The following ABCC11 variants were observed in gnomAD, a reference collection of about 807,000 sequenced individuals.
The protein encoded by ABCC11 is ATP-binding cassette sub-family C member 11.
A neutral mutation model predicts 149.3 loss-of-function variants in ABCC11; 135 were observed. The ratio of observed to expected loss-of-function variants is 0.90; its 90% CI spans 0.79 to 1.04. The LOEUF is 1.04. Among genes scored for constraint, ABCC11 ranks in the 50% least tolerant of loss-of-function variants. The pLI is 0.00. For missense variants in ABCC11, 1,680 were observed against 1,722.1 expected, an observed-to-expected ratio of 0.98 and a Z score of 0.43; for synonymous variants, 665 against 671.4, an observed-to-expected ratio of 0.99 and a Z score of 0.15.
intron 7 of ABCC11, among the ~76,000 whole-genome samples, 192 bp downstream of exon 7, chr16:48,215,922 C>T (rs1373954124): frequency 6.6e-6 from 1 of 152,238 alleles, no homozygotes; most frequent in Non-Finnish European, 1.5e-5. Context: ...ACATCACATT[C>T]ACCTCTTATT....
intron 20 of ABCC11, among the ~76,000 whole-genome samples, chr16:48,190,484 C>T (rs746979169): frequency 2.6e-5 from 4 of 152,124 alleles, no homozygotes; most frequent in Non-Finnish European, 5.9e-5. Context: ...GATCCTCAGT[C>T]CCCCAAGTAG....
intron 1 of ABCC11, among the ~76,000 whole-genome samples, chr16:48,242,431 C>A (rs1031030520): frequency 6.6e-6 from 1 of 152,152 alleles, no homozygotes; most frequent in Non-Finnish European, 1.5e-5. Context: ...AATAGGAACA[C>A]TTTTACACTG....
At chr16:48,196,696 G>A (rs1012270019) in intron 17 of ABCC11, among the ~76,000 whole-genome samples, 23 of 152,266 alleles carry the variant, frequency 1.5e-4, no homozygotes, top group African/African-American at 5.3e-4. Flanking sequence ...TTCCTTGTCC[G>A]AAAAAACGGA....
chr16:48,243,918 G>C (rs1212730130), intron 1 of ABCC11, among the ~76,000 whole-genome samples: 1 of 152,120 alleles, frequency 6.6e-6, no homozygotes, highest in African/African-American at 2.4e-5. Context: ...CTTGAACCCG[G>C]GAGGCAGAGG....
intron 21 of ABCC11, 52 bp from the exon 22 acceptor site, chr16:48,187,142 C>G (rs1178055880): frequency 6.2e-7 from 1 of 1,613,744 alleles, no homozygotes; most frequent in Non-Finnish European, 8.5e-7. Flanking sequence ...CTGGGACCAT[C>G]TAGTCTGGGT....
At chr16:48,169,716 T>C (rs1344563263) in intron 28 of ABCC11, among the ~76,000 whole-genome samples, 1 of 127,932 alleles carries the variant, frequency 7.8e-6, no homozygotes, top group African/African-American at 3.1e-5. Flanking sequence ...AATTGAACAA[T>C]GAGAACACTT....
At position 48,170,039 on chromosome 16, in the gene ABCC11, G is replaced by A. The variant is rs979221534; in HGVS notation, c.3891+66C>T. On this transcript the variant is annotated intron_variant, in intron 28 of 29. Coordinates refer to ENST00000356608, the MANE Select transcript of ABCC11 (RefSeq NM_001370497.1). ...CACGGTAGTGAAGGGAGAGGGAGCC[G>A]GTGTGGCTTCCCTCATCATGCGTAG... 3.3e-5 allele frequency: 43 copies of A among 1,297,918 alleles called. 1 individual carries two copies. The East Asian group carries it at 3.5e-4, about 11-fold the overall frequency. 80.4% of individuals were successfully genotyped at this position (1,297,918 alleles called of 1,614,324 possible). A position where few individuals can be genotyped will look rare whatever the true frequency, so the allele number is the denominator to read the frequency against.
chr16:48,216,398 T>G, intron 6 of ABCC11, 111 bp from the exon 7 acceptor site: 2 of 1,093,702 alleles, frequency 1.8e-6, no homozygotes, highest in Admixed American at 4.3e-5. Flanking sequence ...AAAGGAAGGG[T>G]GGAAGAGTAG....
intron 5 of ABCC11, chr16:48,223,493 A>ACCTAACTGTCACCCGACT (rs1261686220): frequency 6.5e-6 from 1 of 153,390 alleles, no homozygotes; most frequent in African/African-American, 2.4e-5. Context: ...AGGACCCGGC[A>ACCTAACTGTCACCCGACT]CCTAACTGTC....
At chr16:48,218,755 T>C (rs1462168019) in intron 6 of ABCC11, among the ~76,000 whole-genome samples, 2 of 152,310 alleles carry the variant, frequency 1.3e-5, no homozygotes, top group South Asian at 2.1e-4. Flanking sequence ...TCTGCCACCA[T>C]GTAAGATGTG....
At chr16:48,221,752 G>C (rs1969754019) in intron 6 of ABCC11, among the ~76,000 whole-genome samples, 1 of 152,130 alleles carries the variant, frequency 6.6e-6, no homozygotes, top group Non-Finnish European at 1.5e-5. Flanking sequence ...GTGTGTGTGT[G>C]TGTGTTTGAG....
intron 1 of ABCC11, among the ~76,000 whole-genome samples, chr16:48,246,368 A>T (rs58315149): frequency 0.012 from 1,867 of 152,168 alleles, 40 homozygotes; most frequent in African/African-American, 0.043. Flanking sequence ...TTCCCAAATT[A>T]TTTTGCCTTC....
At chr16:48,191,991 A>C (rs968528968) in intron 20 of ABCC11, among the ~76,000 whole-genome samples, 2 of 152,084 alleles carry the variant, frequency 1.3e-5, no homozygotes, top group African/African-American at 4.8e-5. Flanking sequence ...AATAATAATA[A>C]AATAAAGTTG....
chr16:48,172,285 C>T (rs1201798193), intron 26 of ABCC11, among the ~76,000 whole-genome samples: 1 of 152,156 alleles, frequency 6.6e-6, no homozygotes, highest in Admixed American at 6.6e-5. Context: ...AGACGTATGA[C>T]TTGTTTCCAC....
At chr16:48,176,812 G>A in intron 25 of ABCC11, 112 bp downstream of exon 25, 1 of 1,254,256 alleles carries the variant, frequency 8.0e-7, no homozygotes, top group Non-Finnish European at 1.1e-6. Context: ...CACAGCATGA[G>A]GACCTAATAC....
At chr16:48,189,620 C>T (rs900974412) in intron 20 of ABCC11, among the ~76,000 whole-genome samples, 18 of 152,128 alleles carry the variant, frequency 1.2e-4, no homozygotes, top group African/African-American at 4.3e-4. Flanking sequence ...AATTAAAATA[C>T]GAAATGTCAT....
Position 48,205,423 on chromosome 16 carries a change from C to T in ABCC11, c.1795G>A (p.Asp599Asn). ...CTCCCAGGAGCTTACCGGGCCTTGT[C>T]ATATGCGCCTCCCATGAGGATGTTC... ...RENILMGGAYDKARYLQVLHC... is the reference protein window; with the variant it reads ...RENILMGGAYNKARYLQVLHC... The change falls in exon 13 of 30, where the codon GAC becomes AAC. Residue 599 changes from aspartate to asparagine, a missense_variant. Coordinates refer to ENST00000356608, the MANE Select transcript of ABCC11 (RefSeq NM_001370497.1). 1 of 1,614,236 alleles carries T rather than the reference C, an allele frequency of 6.2e-7. No individual in the cohort carries two copies. Among genetic ancestry groups the T allele is most frequent in the Non-Finnish European group, 8.5e-7 (1 of 1,180,032 alleles).
chr16:48,186,545 T>C (rs886519397), intron 22 of ABCC11, among the ~76,000 whole-genome samples: 13 of 152,250 alleles, frequency 8.5e-5, no homozygotes, highest in African/African-American at 3.1e-4. Flanking sequence ...GGCAAATCTA[T>C]GGCATGAGTA....
At chr16:48,234,914 T>C (rs1477068605) in intron 1 of ABCC11, among the ~76,000 whole-genome samples, 4 of 152,056 alleles carry the variant, frequency 2.6e-5, no homozygotes, top group African/African-American at 9.7e-5. Context: ...CAGAGGTCAC[T>C]GTGCCCAGGT....
Sources: allele counts gnomAD v4.1 joint callset (sites outside exome capture counted in the v4.1 genomes callset), GRCh38; gene constraint gnomAD v4.1.1; transcripts MANE v1.5; gene names NCBI Gene and HGNC (gene_info 2026-07-23, HGNC 2026-07-21).